SLX4IP: variants seen among roughly 807,000 people sequenced by gnomAD.
SLX4IP encodes the protein SLX4 interacting protein, also known as protein SLX4IP.
Under a neutral mutation model 32.9 loss-of-function variants are expected in SLX4IP, and 34 were observed. The ratio of observed to expected loss-of-function variants is 1.03; its 90% CI spans 0.79 to 1.38. The LOEUF (loss-of-function observed/expected upper bound fraction) is 1.38. Ranked by LOEUF, SLX4IP falls within the 40% of genes most tolerant of loss-of-function variation. SLX4IP has a pLI of 0.00. For synonymous variants in SLX4IP, 172 were observed against 171.7 expected (o/e 1.00, Z -0.01); for missense variants, 444 against 479.0 (o/e 0.93, Z 0.68).
At chr20:10,480,708 T>C (rs1009917113) in intron 2 of SLX4IP, among the ~76,000 whole-genome samples, 4 of 152,328 alleles carry the variant, frequency 2.6e-5, no homozygotes, top group Non-Finnish European at 4.4e-5. Context: ...TAGAAATAAA[T>C]AGGTTGAACT....
chr20:10,598,797 G>T (rs1340545411), intron 5 of SLX4IP, 45 bp downstream of exon 5: 1 of 1,575,338 alleles, frequency 6.3e-7, no homozygotes, highest in Non-Finnish European at 8.7e-7. Context: ...CACACAATCT[G>T]CTTGCCCTAG....
intron 2 of SLX4IP, among the ~76,000 whole-genome samples, chr20:10,512,778 CTATATATATATATATATATATATATA>C (rs57942782): frequency 3.1e-4 from 8 of 25,658 alleles, no homozygotes; most frequent in African/African-American, 1.3e-3. Context: ...CACACACACT[CTATATATATATATATATATATATATA>C]TATATATATA....
intron 2 of SLX4IP, among the ~76,000 whole-genome samples, chr20:10,546,889 G>T (rs1230044707): frequency 6.6e-6 from 1 of 152,182 alleles, no homozygotes; most frequent in Non-Finnish European, 1.5e-5. Context: ...CTAAAGAAAT[G>T]AAATCAGTTC....
chr20:10,481,830 T>A (rs1462162934), intron 2 of SLX4IP, among the ~76,000 whole-genome samples: 1 of 152,138 alleles, frequency 6.6e-6, no homozygotes, highest in African/African-American at 2.4e-5. Context: ...TTCTTAACGC[T>A]CAGTCGCGGG....
chr20:10,458,859 T>C (rs1194442046), intron 2 of SLX4IP, among the ~76,000 whole-genome samples: 1 of 152,190 alleles, frequency 6.6e-6, no homozygotes, highest in Non-Finnish European at 1.5e-5. Flanking sequence ...ATGATTTATA[T>C]CTTGGGAGGT....
chr20:10,536,565 G>GTC (rs1187631846), intron 2 of SLX4IP, among the ~76,000 whole-genome samples: 2 of 152,148 alleles, frequency 1.3e-5, no homozygotes, highest in African/African-American at 4.8e-5. Flanking sequence ...GTTTCCTAAG[G>GTC]TCTGGCTCCC....
At chr20:10,444,668 G>A (rs995157781) in intron 1 of SLX4IP, among the ~76,000 whole-genome samples, 2 of 152,128 alleles carry the variant, frequency 1.3e-5, no homozygotes, top group Non-Finnish European at 2.9e-5. Context: ...GAGCCACCGC[G>A]CCTGGCCTGG....
intron 2 of SLX4IP, among the ~76,000 whole-genome samples, chr20:10,525,473 T>C (rs2065933447): frequency 6.6e-6 from 1 of 152,204 alleles, no homozygotes; most frequent in African/African-American, 2.4e-5. Context: ...ATTTAATGTT[T>C]ATATTATTAT....
In SLX4IP at chr20:10,622,408, T is replaced by C. The variant is rs138725849; in HGVS notation, c.507-251T>C. Among the ~76,000 whole-genome samples, 208 of 152,346 alleles carry C rather than the reference T, an allele frequency of 1.4e-3. 1 individual carries two copies. Among genetic ancestry groups the C allele is most frequent in the African/African-American group, 4.8e-3 (199 of 41,580 alleles). On this transcript the variant is annotated intron_variant, in intron 7 of 7. Transcript: ENST00000334534. ...CTTAGTTAAAATGTGAACGCCATCA[T>C]AAATCCATTTTTAACCCAATGATTG...
At chr20:10,595,755 C>T (rs1362981094) in intron 4 of SLX4IP, among the ~76,000 whole-genome samples, 1 of 152,166 alleles carries the variant, frequency 6.6e-6, no homozygotes, top group Non-Finnish European at 1.5e-5. Flanking sequence ...ATTTAGTTTG[C>T]CATAAGAACT....
chr20:10,457,597 A>G (rs1243652800), intron 1 of SLX4IP, among the ~76,000 whole-genome samples: 1 of 151,866 alleles, frequency 6.6e-6, no homozygotes, highest in African/African-American at 2.4e-5. Context: ...ACATGTTGCT[A>G]TGTTTGATTT....
At chr20:10,584,864 C>A (rs1279980510) in intron 4 of SLX4IP, among the ~76,000 whole-genome samples, 2 of 152,030 alleles carry the variant, frequency 1.3e-5, no homozygotes, top group Non-Finnish European at 2.9e-5. Flanking sequence ...GTGAATGCAT[C>A]AAAAATGGGT....
chr20:10,608,061 C>T (rs948472556), intron 6 of SLX4IP, among the ~76,000 whole-genome samples: 1 of 152,174 alleles, frequency 6.6e-6, no homozygotes, highest in African/African-American at 2.4e-5. Context: ...ATCCCCAATC[C>T]TTTGTGGTTT....
intron 4 of SLX4IP, among the ~76,000 whole-genome samples, chr20:10,584,602 G>A (rs549153332): frequency 5.3e-5 from 8 of 152,112 alleles, no homozygotes; most frequent in Non-Finnish European, 1.2e-4. Context: ...TAGTTCTCTG[G>A]CTCTCACCCC....
chr20:10,551,567 A>G (rs2066218479), intron 2 of SLX4IP, among the ~76,000 whole-genome samples: 1 of 152,192 alleles, frequency 6.6e-6, no homozygotes, highest in East Asian at 1.9e-4. Flanking sequence ...CAAGATTGGC[A>G]GAGGTATAGA....
chr20:10,442,401 T>C (rs1383123300), intron 1 of SLX4IP, among the ~76,000 whole-genome samples: 6 of 152,244 alleles, frequency 3.9e-5, no homozygotes, highest in South Asian at 2.1e-4. Flanking sequence ...AACACACATG[T>C]AATCATATTT....
chr20:10,609,257 T>G (rs776004727), intron 6 of SLX4IP, among the ~76,000 whole-genome samples: 4 of 152,224 alleles, frequency 2.6e-5, no homozygotes, highest in South Asian at 2.1e-4. Context: ...AAGCCCATCT[T>G]CATCAGAACA....
At position 10,556,232 on chromosome 20, in the gene SLX4IP, G is replaced by A; in HGVS notation, c.29G>A (p.Cys10Tyr). MASKKFAVK[C>Y]GNFAVLVDLH... ...GACTCTGCCATTAATGTCTTTCAGT[G>A]TGGGAATTTTGCTGTCCTCGTGGAT... is the stretch of plus-strand genomic sequence containing the variant. The change falls in exon 3 of 8, where the codon TGT becomes TAT. Residue 10 changes from cysteine (C) to tyrosine (Y), a missense_variant and splice_region_variant. Cys to Tyr is a radical substitution (Grantham distance 194). Transcript: ENST00000334534. The A allele has an allele frequency of 6.2e-7, 1 of 1,613,236 alleles. No homozygotes were observed. Among genetic ancestry groups the A allele is most frequent in the Non-Finnish European group, 8.5e-7 (1 of 1,179,728 alleles).
intron 4 of SLX4IP, among the ~76,000 whole-genome samples, chr20:10,586,036 T>TA (rs1287094958): frequency 2.6e-5 from 4 of 151,920 alleles, no homozygotes; most frequent in East Asian, 1.9e-4. Context: ...TCAACAAAGT[T>TA]AAAAAAAATT....
Sources: allele counts gnomAD v4.1 joint callset (sites outside exome capture counted in the v4.1 genomes callset), GRCh38; gene constraint gnomAD v4.1.1; transcripts MANE v1.5; gene names NCBI Gene and HGNC (gene_info 2026-07-23, HGNC 2026-07-21).